Variants in ADAMTS19 observed in about 807,000 individuals in gnomAD.
The protein encoded by ADAMTS19 is ADAM metallopeptidase with thrombospondin type 1 motif 19, also known as A disintegrin and metalloproteinase with thrombospondin motifs 19.
Under a neutral mutation model 153.3 loss-of-function variants are expected in ADAMTS19, and 93 were observed. That is an observed-to-expected ratio of 0.61 (90% confidence interval 0.51 to 0.72). The LOEUF is 0.72. Ranked by LOEUF, ADAMTS19 falls within the 30% of genes least tolerant of loss-of-function variation. The probability of loss-of-function intolerance (pLI) is 0.00; values close to 1 mark genes in which losing one functional copy is unlikely to be tolerated. For synonymous variants in ADAMTS19, 600 were observed against 556.6 expected (o/e 1.08, Z -1.10); for missense variants, 1,482 against 1,552.1 (o/e 0.95, Z 0.76).
chr5:129,467,502 A>G (rs1257884992), intron 2 of ADAMTS19, among the ~76,000 whole-genome samples: 2 of 152,224 alleles, frequency 1.3e-5, no homozygotes, highest in Admixed American at 6.5e-5. Flanking sequence ...AAATCTAGAT[A>G]TACATTCACA....
At chr5:129,501,807 A>G (rs925347093) in intron 2 of ADAMTS19, among the ~76,000 whole-genome samples, 4 of 152,170 alleles carry the variant, frequency 2.6e-5, no homozygotes, top group African/African-American at 9.6e-5. Flanking sequence ...GCCTATTATT[A>G]TATTATTGTT....
chr5:129,595,856 T>C (rs1055813271), intron 7 of ADAMTS19, among the ~76,000 whole-genome samples: 3 of 152,066 alleles, frequency 2.0e-5, no homozygotes, highest in African/African-American at 4.8e-5. Context: ...ATTAGTAAAA[T>C]AGAACATAAA....
chr5:129,731,961 T>C (rs558763933), intron 21 of ADAMTS19, among the ~76,000 whole-genome samples: 2 of 152,186 alleles, frequency 1.3e-5, no homozygotes, highest in South Asian at 4.1e-4. Flanking sequence ...CACAAGCACA[T>C]TTCCCCTCTT....
chr5:129,658,772 C>T, intron 15 of ADAMTS19, 35 bp downstream of exon 15: 2 of 1,569,568 alleles, frequency 1.3e-6, no homozygotes, highest in Non-Finnish European at 1.7e-6. Context: ...AATATTAATC[C>T]CTGCAATCTT....
chr5:129,695,687 A>G (rs993808380), intron 19 of ADAMTS19, among the ~76,000 whole-genome samples: 9 of 152,194 alleles, frequency 5.9e-5, no homozygotes, highest in African/African-American at 1.9e-4. Context: ...CCTGGTGTCC[A>G]AAATCCTGAA....
At chr5:129,679,493 A>G (rs1334218726) in intron 16 of ADAMTS19, among the ~76,000 whole-genome samples, 1 of 152,236 alleles carries the variant, frequency 6.6e-6, no homozygotes, top group Non-Finnish European at 1.5e-5. Flanking sequence ...GACCAAAATA[A>G]GGAATATATA....
intron 10 of ADAMTS19, among the ~76,000 whole-genome samples, chr5:129,637,195 T>G (rs1428815266): frequency 6.6e-6 from 1 of 152,228 alleles, no homozygotes; most frequent in African/African-American, 2.4e-5. Flanking sequence ...GAAATTAATT[T>G]CAATGACTAG....
At chr5:129,637,610 C>T (rs1238765024) in intron 10 of ADAMTS19, among the ~76,000 whole-genome samples, 3 of 152,042 alleles carry the variant, frequency 2.0e-5, no homozygotes, top group African/African-American at 4.8e-5. Context: ...TTTAGGAGGC[C>T]GATGCGGGCG....
chr5:129,477,702 T>C (rs1169959109), intron 2 of ADAMTS19, among the ~76,000 whole-genome samples: 2 of 152,218 alleles, frequency 1.3e-5, no homozygotes, highest in Admixed American at 1.3e-4. Context: ...TGCTCTTGCC[T>C]TTGGCTGTGA....
intron 7 of ADAMTS19, among the ~76,000 whole-genome samples, chr5:129,558,165 T>C (rs907424057): frequency 6.6e-6 from 1 of 152,100 alleles, no homozygotes; most frequent in African/African-American, 2.4e-5. Context: ...AAAGCATTCC[T>C]TTTAGAATCA....
intron 22 of ADAMTS19, 120 bp downstream of exon 22, chr5:129,735,229 C>A: frequency 9.9e-7 from 1 of 1,009,394 alleles, no homozygotes; most frequent in Non-Finnish European, 1.3e-6. Context: ...TTTTGGTTTG[C>A]ACTAAATTGG....
chr5:129,665,572 C>T lies in ADAMTS19; in HGVS notation c.2499C>T (p.Ser833=), dbSNP rs1457700914. The part of the protein sequence containing the change: ...IKVVEEKPAH[S]YLALRDAGKQ... ...TTGTGGAGGAAAAGCCGGCACATAG[C>T]TATTTAGGTAACCTGTGTTACAGAC... Residue 833 remains serine, a synonymous_variant, in exon 16 of 23, where the codon AGC becomes AGT. Coordinates refer to ENST00000274487, the MANE Select transcript of ADAMTS19 (RefSeq NM_133638.6). 6 of 1,608,728 alleles carry T rather than the reference C, an allele frequency of 3.7e-6. No individual in the cohort carries two copies. The highest frequency in any genetic ancestry group is 4.2e-6 in the Non-Finnish European group (5 of 1,176,600).
intron 3 of ADAMTS19, among the ~76,000 whole-genome samples, chr5:129,518,850 A>T (rs1034110591): frequency 1.3e-5 from 2 of 151,868 alleles, no homozygotes; most frequent in South Asian, 4.1e-4. Flanking sequence ...AATTTTCTAG[A>T]TCCTGTAGGT....
intron 2 of ADAMTS19, among the ~76,000 whole-genome samples, chr5:129,473,233 G>A (rs1446621478): frequency 6.6e-6 from 1 of 151,962 alleles, no homozygotes; most frequent in Non-Finnish European, 1.5e-5. Flanking sequence ...CAGTGGACAG[G>A]CAGGTGATTA....
At chr5:129,613,299 A>G (rs1751326591) in intron 8 of ADAMTS19, among the ~76,000 whole-genome samples, 1 of 152,232 alleles carries the variant, frequency 6.6e-6, no homozygotes, top group Non-Finnish European at 1.5e-5. Flanking sequence ...AGCACTCTTC[A>G]GCAAATGTAA....
chr5:129,561,506 G>A (rs1242067233), intron 7 of ADAMTS19, among the ~76,000 whole-genome samples: 10 of 151,356 alleles, frequency 6.6e-5, no homozygotes, highest in Admixed American at 2.6e-4. Context: ...TCCGCAGTCT[G>A]GCCTGGGTGA....
At chr5:129,723,066 A>G (rs550400822) in intron 21 of ADAMTS19, among the ~76,000 whole-genome samples, 1 of 152,282 alleles carries the variant, frequency 6.6e-6, no homozygotes, top group African/African-American at 2.4e-5. Context: ...ATCTGAGCCT[A>G]TGTTTATCAG....
At chr5:129,511,179 A>T (rs1751429350) in intron 3 of ADAMTS19, among the ~76,000 whole-genome samples, 1 of 151,852 alleles carries the variant, frequency 6.6e-6, no homozygotes, top group Non-Finnish European at 1.5e-5. Flanking sequence ...CTGGAAAATG[A>T]GATTATTAAG....
At chr5:129,588,566 T>C (rs551727274) in intron 7 of ADAMTS19, among the ~76,000 whole-genome samples, 170 of 152,156 alleles carry the variant, frequency 1.1e-3, no homozygotes, top group African/African-American at 4.0e-3. Flanking sequence ...TTTAGAATTA[T>C]CTATATTTTA....
Sources: allele counts gnomAD v4.1 joint callset (sites outside exome capture counted in the v4.1 genomes callset), GRCh38; gene constraint gnomAD v4.1.1; transcripts MANE v1.5; gene names NCBI Gene and HGNC (gene_info 2026-07-23, HGNC 2026-07-21).